The following DSE variants were observed in gnomAD, a reference collection of about 807,000 sequenced individuals.
The protein encoded by DSE is dermatan sulfate epimerase, also known as dermatan-sulfate epimerase.
DSE carries 36 observed loss-of-function variants against 84.4 expected under a neutral mutation model. The observed-to-expected ratio is 0.43, with a 90% CI of 0.33 to 0.56. The LOEUF is 0.56. Among genes scored for constraint, DSE ranks in the 20% least tolerant of loss-of-function variants. The pLI, the probability that DSE is intolerant of heterozygous loss-of-function variation, is 0.06. For missense variants in DSE, 862 were observed against 1,169.6 expected, an observed-to-expected ratio of 0.74 and a Z score of 3.84; for synonymous variants, 410 against 430.1, an observed-to-expected ratio of 0.95 and a Z score of 0.58.
At chr6:116,290,131 T>C (rs1774189162) in intron 2 of DSE, among the ~76,000 whole-genome samples, 1 of 152,126 alleles carries the variant, frequency 6.6e-6, no homozygotes, top group African/African-American at 2.4e-5. Flanking sequence ...GGAGTATGGA[T>C]ATAAACCCAG....
At chr6:116,284,562 C>A (rs976446584) in intron 2 of DSE, among the ~76,000 whole-genome samples, 5 of 151,894 alleles carry the variant, frequency 3.3e-5, no homozygotes, top group African/African-American at 1.2e-4. Flanking sequence ...GCACAATGTG[C>A]AGGTTTGTTA....
chr6:116,404,376 C>G (rs2115006790), intron 2 of DSE, among the ~76,000 whole-genome samples: 1 of 152,222 alleles, frequency 6.6e-6, no homozygotes, highest in Admixed American at 6.5e-5. Flanking sequence ...TTGTTCAAGC[C>G]CTGGTTGATA....
chr6:116,328,634 G>C (rs1206049979), intron 2 of DSE, among the ~76,000 whole-genome samples: 1 of 152,144 alleles, frequency 6.6e-6, no homozygotes, highest in Admixed American at 6.5e-5. Flanking sequence ...ACATTGTAAT[G>C]ATTCAAGCAA....
intron 2 of DSE, among the ~76,000 whole-genome samples, chr6:116,326,407 T>A (rs1776622913): frequency 6.6e-6 from 1 of 152,112 alleles, no homozygotes; most frequent in Admixed American, 6.6e-5. Context: ...CCAAGAGTGA[T>A]GAAATTTTTT....
intron 2 of DSE, chr6:116,279,273 C>A: frequency 6.3e-7 from 1 of 1,598,662 alleles, no homozygotes. Context: ...TCTGCTCCTC[C>A]ATTACCTCCT....
chr6:116,274,147 G>A (rs1400119597), intron 2 of DSE, among the ~76,000 whole-genome samples: 4 of 151,860 alleles, frequency 2.6e-5, no homozygotes, highest in Non-Finnish European at 5.9e-5. Flanking sequence ...CAAGTAGTAC[G>A]CGTTCATTGA....
chr6:116,392,032 T>G (rs1780940916), intron 1 of DSE, among the ~76,000 whole-genome samples: 2 of 152,188 alleles, frequency 1.3e-5, no homozygotes, highest in African/African-American at 4.8e-5. Flanking sequence ...AAAACTGAAA[T>G]AGAAAAGTGA....
At chr6:116,297,066 T>C (rs1215872649) in intron 2 of DSE, among the ~76,000 whole-genome samples, 2 of 152,120 alleles carry the variant, frequency 1.3e-5, no homozygotes, top group Non-Finnish European at 2.9e-5. Flanking sequence ...AGACTCAGAA[T>C]ATGATTTGGG....
chr6:116,291,849 A>G (rs572670519), intron 2 of DSE, among the ~76,000 whole-genome samples: 9 of 152,320 alleles, frequency 5.9e-5, no homozygotes, highest in African/African-American at 1.9e-4. Context: ...TTGAAAAACT[A>G]GATATGAAAG....
chr6:116,330,694 C>CA (rs1158927723), intron 2 of DSE, among the ~76,000 whole-genome samples: 1 of 152,138 alleles, frequency 6.6e-6, no homozygotes, highest in East Asian at 1.9e-4. Flanking sequence ...CCTTATGACT[C>CA]AAAAAAGCTG....
At chr6:116,256,029 T>C (rs1180518095) in intron 1 of DSE, 2 of 152,250 alleles carry the variant, frequency 1.3e-5, no homozygotes, top group Non-Finnish European at 2.9e-5. Context: ...ATGTAGATTG[T>C]ACTAGGCAGT....
intron 1 of DSE, among the ~76,000 whole-genome samples, chr6:116,389,374 CT>C (rs544165577): frequency 0.011 from 1,619 of 145,092 alleles, 25 homozygotes; most frequent in African/African-American, 0.033. Context: ...TGATAACTAG[CT>C]TTTTTTTTTT....
At chr6:116,331,311 G>T (rs1413710795) in intron 2 of DSE, among the ~76,000 whole-genome samples, 2 of 152,142 alleles carry the variant, frequency 1.3e-5, no homozygotes, top group Non-Finnish European at 2.9e-5. Context: ...GTTCTGCAGG[G>T]CTGGGGAGGC....
intron 2 of DSE, among the ~76,000 whole-genome samples, chr6:116,421,835 T>G (rs1321365592): frequency 6.6e-6 from 1 of 152,162 alleles, no homozygotes; most frequent in Non-Finnish European, 1.5e-5. Flanking sequence ...TGTGTCTGCT[T>G]CTGCACTTGA....
chr6:116,361,326 T>C (rs1460801671), intron 2 of DSE, among the ~76,000 whole-genome samples: 1 of 152,166 alleles, frequency 6.6e-6, no homozygotes, highest in Non-Finnish European at 1.5e-5. Flanking sequence ...CCCAAAGTGC[T>C]GGGATTACAG....
intron 2 of DSE, among the ~76,000 whole-genome samples, chr6:116,323,056 C>G (rs1202726178): frequency 6.6e-6 from 1 of 152,086 alleles, no homozygotes; most frequent in East Asian, 1.9e-4. Context: ...CAGTATTTTG[C>G]GCTTTACTGG....
At chr6:116,311,773 T>C (rs1158150072) in intron 2 of DSE, among the ~76,000 whole-genome samples, 1 of 152,224 alleles carries the variant, frequency 6.6e-6, no homozygotes, top group East Asian at 1.9e-4. Context: ...TCCCAGAGAA[T>C]GTTCCAAATG....
chr6:116,397,689 C>G (rs992148710), intron 1 of DSE, among the ~76,000 whole-genome samples: 16 of 152,188 alleles, frequency 1.1e-4, no homozygotes, highest in Non-Finnish European at 4.4e-5. Flanking sequence ...TGCCTTGAGA[C>G]TTTGGGTGCT....
In DSE at chr6:116,349,790, A is replaced by G. The variant is rs117565297; in HGVS notation, c.-53-49408A>G. Among the ~76,000 whole-genome samples, 53 of 152,320 alleles carry G rather than the reference A, an allele frequency of 3.5e-4. No homozygotes were observed. The East Asian group carries it at 7.9e-3, about 23-fold the overall frequency. On this transcript the variant is annotated intron_variant, in intron 2 of 3. Transcript: ENST00000430252. ...GAGTAGCTTCAGGCTAGAATGCCAC[A>G]GGTTCTCATTATTCTTATATTCAGC...
Sources: gnomAD v4.1 joint callset for allele counts (sites outside exome capture counted in the v4.1 genomes callset) on GRCh38, gnomAD v4.1.1 for gene constraint, MANE v1.5 for transcripts, NCBI Gene and HGNC (gene_info 2026-07-23, HGNC 2026-07-21) for gene names.